The following CDKAL1 variants were observed in gnomAD, a reference collection of about 807,000 sequenced individuals.
CDKAL1 encodes CDKAL1 threonylcarbamoyladenosine tRNA methylthiotransferase.
Under a neutral mutation model 68.2 loss-of-function variants are expected in CDKAL1, and 32 were observed. The ratio of observed to expected loss-of-function variants is 0.47; its 90% CI spans 0.35 to 0.63. The LOEUF (loss-of-function observed/expected upper bound fraction) is 0.63, where lower values mean the gene tolerates loss of function less well. CDKAL1 is among the 30% of genes least tolerant of loss of function. CDKAL1 has a pLI of 0.00. For missense variants in CDKAL1, 606 were observed against 696.7 expected, an observed-to-expected ratio of 0.87 and a Z score of 1.47; for synonymous variants, 234 against 244.3, an observed-to-expected ratio of 0.96 and a Z score of 0.39.
intron 13 of CDKAL1, among the ~76,000 whole-genome samples, chr6:21,176,861 ATT>A (rs70993209): frequency 6.6e-6 from 1 of 150,612 alleles, no homozygotes; most frequent in Admixed American, 6.6e-5. Flanking sequence ...TGCCCAGCTA[ATT>A]TTTTTTTGTA....
At chr6:20,617,660 A>G (rs1766981834) in intron 4 of CDKAL1, among the ~76,000 whole-genome samples, 1 of 152,240 alleles carries the variant, frequency 6.6e-6, no homozygotes, top group Non-Finnish European at 1.5e-5. Flanking sequence ...GAGTGAGAAC[A>G]TGCGGTGTTT....
At position 21,225,044 on chromosome 6, in the gene CDKAL1, G is replaced by A. The variant is rs187769385; in HGVS notation, c.1549-5804G>A. Among the ~76,000 whole-genome samples the A allele has an allele frequency of 4.6e-3, 698 of 152,230 alleles. 6 individuals carry two copies. Among genetic ancestry groups the A allele is most frequent in the African/African-American group, 0.016 (663 of 41,534 alleles). ...AACACTGGCCCCTCCTAGGTACCAGGTCCTGGGCATCTATTGGAGAGAAAG... is the reference window on the plus strand; with the variant it reads ...AACACTGGCCCCTCCTAGGTACCAGATCCTGGGCATCTATTGGAGAGAAAG... On this transcript the variant is annotated intron_variant, in intron 15 of 15. Transcript: ENST00000274695.
intron 13 of CDKAL1, among the ~76,000 whole-genome samples, chr6:21,131,170 G>T (rs776247610): frequency 6.6e-6 from 1 of 152,176 alleles, no homozygotes. Context: ...GGCATAAAAG[G>T]AGTAAGTGCT....
intron 9 of CDKAL1, among the ~76,000 whole-genome samples, chr6:20,927,414 T>C (rs1356947511): frequency 1.3e-5 from 2 of 152,224 alleles, no homozygotes; most frequent in Non-Finnish European, 2.9e-5. Flanking sequence ...CAGCACCTCC[T>C]ATTTTGAAAC....
chr6:20,591,606 C>T (rs530102761), intron 4 of CDKAL1, among the ~76,000 whole-genome samples: 12 of 152,230 alleles, frequency 7.9e-5, no homozygotes, highest in South Asian at 2.1e-4. Context: ...CTAGTTTTCC[C>T]GACACCATTT....
intron 13 of CDKAL1, among the ~76,000 whole-genome samples, chr6:21,120,945 T>A (rs1463142211): frequency 6.6e-6 from 1 of 152,198 alleles, no homozygotes; most frequent in Non-Finnish European, 1.5e-5. Context: ...CTTATCAATG[T>A]ATAACTGTCA....
At chr6:21,098,770 AG>A (rs1450438290) in intron 12 of CDKAL1, among the ~76,000 whole-genome samples, 1 of 152,094 alleles carries the variant, frequency 6.6e-6, no homozygotes. Context: ...GCTCTTTGGA[AG>A]GAATTTAATA....
intron 9 of CDKAL1, among the ~76,000 whole-genome samples, chr6:20,919,867 AC>A (rs1762871683): frequency 6.6e-6 from 1 of 152,154 alleles, no homozygotes; most frequent in Admixed American, 6.5e-5. Flanking sequence ...GATTCCACCA[AC>A]AAACCTAAGT....
intron 11 of CDKAL1, among the ~76,000 whole-genome samples, chr6:21,050,870 T>C (rs1770504082): frequency 6.6e-6 from 1 of 152,204 alleles, no homozygotes; most frequent in Non-Finnish European, 1.5e-5. Context: ...TCACTATCAA[T>C]ATTTGAAAAC....
intron 9 of CDKAL1, among the ~76,000 whole-genome samples, chr6:20,903,714 A>G (rs910785716): frequency 1.3e-5 from 2 of 152,260 alleles, no homozygotes; most frequent in African/African-American, 4.8e-5. Context: ...GTGCATTTGT[A>G]TCACGGAGCA....
chr6:20,627,785 A>C (rs1767497072), intron 4 of CDKAL1, among the ~76,000 whole-genome samples: 2 of 152,252 alleles, frequency 1.3e-5, no homozygotes, highest in South Asian at 4.1e-4. Flanking sequence ...AATTTTTAGC[A>C]TGTAGATCCT....
chr6:21,195,473 T>G (rs1778427773), intron 13 of CDKAL1, among the ~76,000 whole-genome samples: 1 of 118,084 alleles, frequency 8.5e-6, no homozygotes. Flanking sequence ...TCTGGAGATG[T>G]TTTTTTTATT....
intron 15 of CDKAL1, among the ~76,000 whole-genome samples, chr6:21,224,445 T>C (rs1261474732): frequency 6.6e-6 from 1 of 152,002 alleles, no homozygotes; most frequent in Non-Finnish European, 1.5e-5. Context: ...ACCCAGGAGG[T>C]GGAGGTTGGA....
At chr6:21,209,862 C>T (rs1408141435) in intron 15 of CDKAL1, among the ~76,000 whole-genome samples, 1 of 152,146 alleles carries the variant, frequency 6.6e-6, no homozygotes, top group Non-Finnish European at 1.5e-5. Flanking sequence ...ATGATTTGAA[C>T]CCAGGTGTTG....
chr6:20,914,568 A>T (rs1416835516), intron 9 of CDKAL1, among the ~76,000 whole-genome samples: 1 of 152,180 alleles, frequency 6.6e-6, no homozygotes, highest in Non-Finnish European at 1.5e-5. Flanking sequence ...AGAGCCTAGA[A>T]CAGTACTCTG....
chr6:21,086,929 A>G (rs919372633), intron 12 of CDKAL1, among the ~76,000 whole-genome samples: 2 of 152,174 alleles, frequency 1.3e-5, no homozygotes, highest in African/African-American at 4.8e-5. Context: ...CATTGTCCTA[A>G]AATATTTTTC....
rs1778216758 is a variant in CDKAL1 at position 20,842,562 on chromosome 6, T to C, written c.639-3513T>C. Reference sequence around the variant, plus strand: ...AAACTATCATGTTGGCTGGGTGTGGTGGCTCACGCCTGTAATCCCAGCACT... The same window carrying C: ...AAACTATCATGTTGGCTGGGTGTGGCGGCTCACGCCTGTAATCCCAGCACT... On this transcript the variant is annotated intron_variant, in intron 8 of 15. Transcript: ENST00000274695. Among the ~76,000 whole-genome samples, 10 of 152,246 alleles carry C rather than the reference T, an allele frequency of 6.6e-5. No homozygotes were observed. In the South Asian group the frequency reaches 2.1e-3, roughly 31 times the overall value.
intron 8 of CDKAL1, among the ~76,000 whole-genome samples, chr6:20,802,300 A>C (rs1194519327): frequency 8.1e-5 from 9 of 110,832 alleles, no homozygotes; most frequent in African/African-American, 2.7e-4. Flanking sequence ...CCGTCTCAAA[A>C]AACAACAACA....
intron 15 of CDKAL1, among the ~76,000 whole-genome samples, chr6:21,205,504 C>T (rs1441365437): frequency 6.7e-6 from 1 of 149,756 alleles, no homozygotes; most frequent in African/African-American, 2.5e-5. Context: ...TGATAGTAGC[C>T]ATCCTAATCC....
Sources: allele counts gnomAD v4.1 joint callset (sites outside exome capture counted in the v4.1 genomes callset), GRCh38; gene constraint gnomAD v4.1.1; transcripts MANE v1.5; gene names NCBI Gene and HGNC (gene_info 2026-07-23, HGNC 2026-07-21).